Variants in ARID2 observed in about 807,000 individuals in gnomAD.
ARID2 encodes the protein AT-rich interactive domain-containing protein 2.
Under a neutral mutation model 184.6 loss-of-function variants are expected in ARID2, and 32 were observed. The ratio of observed to expected loss-of-function variants is 0.17; its 90% CI spans 0.13 to 0.23. The LOEUF (loss-of-function observed/expected upper bound fraction) is 0.23. ARID2 is among the 10% of genes least tolerant of loss of function. ARID2 has a pLI of 1.00. For missense variants in ARID2, 1,696 were observed against 2,197.6 expected (o/e 0.77, Z 4.56); for synonymous variants, 836 against 772.6 (o/e 1.08, Z -1.36).
intron 3 of ARID2, among the ~76,000 whole-genome samples, chr12:45,752,313 C>G (rs541978116): frequency 1.2e-4 from 18 of 152,290 alleles, no homozygotes; most frequent in African/African-American, 4.1e-4. Context: ...GTCTCCCCTA[C>G]TAAAATCTTA....
chr12:45,739,642 A>G (rs1941210769), intron 3 of ARID2, among the ~76,000 whole-genome samples: 1 of 151,860 alleles, frequency 6.6e-6, no homozygotes, highest in Non-Finnish European at 1.5e-5. Flanking sequence ...ATTTATATAT[A>G]GTGGCCAGTA....
chr12:45,753,672 G>A (rs150786557), intron 3 of ARID2, among the ~76,000 whole-genome samples: 12 of 152,136 alleles, frequency 7.9e-5, no homozygotes, highest in South Asian at 2.1e-4. Context: ...GTGCGATTGC[G>A]TCTCACTGCA....
At chr12:45,807,801 C>G (rs1353148235) in intron 3 of ARID2, among the ~76,000 whole-genome samples, 1 of 152,130 alleles carries the variant, frequency 6.6e-6, no homozygotes, top group Non-Finnish European at 1.5e-5. Flanking sequence ...CCAATACCAT[C>G]TTGGTGATGA....
chr12:45,821,624 G>A (rs1432847281), intron 6 of ARID2, 137 bp downstream of exon 6: 6 of 431,162 alleles, frequency 1.4e-5, no homozygotes, highest in East Asian at 3.8e-5. Context: ...CATACACAAC[G>A]ATTTTAAAGT....
chr12:45,773,809 A>G (rs1227773840), intron 3 of ARID2, among the ~76,000 whole-genome samples: 7 of 152,192 alleles, frequency 4.6e-5, no homozygotes, highest in Non-Finnish European at 7.4e-5. Flanking sequence ...AATTCTGCCA[A>G]ACATTGAAAG....
chr12:45,819,753 T>A (rs1942865072), intron 5 of ARID2, among the ~76,000 whole-genome samples: 1 of 151,842 alleles, frequency 6.6e-6, no homozygotes, highest in Admixed American at 6.6e-5. Flanking sequence ...TTGGGTTTTT[T>A]TTTTTTAAGA....
intron 3 of ARID2, among the ~76,000 whole-genome samples, chr12:45,742,716 C>T (rs1941286765): frequency 6.6e-6 from 1 of 152,260 alleles, no homozygotes; most frequent in East Asian, 1.9e-4. Flanking sequence ...TCCAGTGTTA[C>T]TGTAGTAAAT....
chr12:45,865,286 A>AT, intron 16 of ARID2, among the ~76,000 whole-genome samples: 1 of 152,078 alleles, frequency 6.6e-6, no homozygotes, highest in Non-Finnish European at 1.5e-5. Context: ...ATTTCTCAAT[A>AT]TTGTTAAGAA....
intron 3 of ARID2, among the ~76,000 whole-genome samples, chr12:45,765,363 A>G (rs1941752595): frequency 6.6e-6 from 1 of 151,996 alleles, no homozygotes; most frequent in African/African-American, 2.4e-5. Context: ...CACGCCACCA[A>G]TCCTGGCTAA....
intron 3 of ARID2, among the ~76,000 whole-genome samples, chr12:45,796,212 A>C (rs1942389904): frequency 6.6e-6 from 1 of 152,012 alleles, no homozygotes; most frequent in South Asian, 2.1e-4. Context: ...ACATATATTC[A>C]CTTACAAATA....
At position 45,760,873 on chromosome 12, in the gene ARID2, G is replaced by A. The variant is rs116220079; in HGVS notation, c.284+29559G>A. On this transcript the variant is annotated intron_variant, in intron 3 of 20. Coordinates refer to ENST00000334344, the MANE Select transcript of ARID2 (RefSeq NM_152641.4). Reference sequence around the variant, plus strand: ...AATTTTTAAATTTAATTTTTATTTAGTTTTTAGCGATAGGGTCTGGCTCTG... The same window carrying A: ...AATTTTTAAATTTAATTTTTATTTAATTTTTAGCGATAGGGTCTGGCTCTG... Among the ~76,000 whole-genome samples the A allele has an allele frequency of 4.1e-3, 624 of 151,234 alleles. 6 individuals are homozygous for A. The highest frequency in any genetic ancestry group is 0.013 in the African/African-American group (543 of 41,164).
chr12:45,739,181 G>C (rs1156303921), intron 3 of ARID2, among the ~76,000 whole-genome samples: 1 of 151,946 alleles, frequency 6.6e-6, no homozygotes, highest in Admixed American at 6.6e-5. Flanking sequence ...GTTTCACCAT[G>C]TTGGCCAGGG....
At chr12:45,811,716 T>C (rs1261939737) in intron 4 of ARID2, among the ~76,000 whole-genome samples, 165 bp downstream of exon 4, 1 of 152,250 alleles carries the variant, frequency 6.6e-6, no homozygotes, top group Non-Finnish European at 1.5e-5. Flanking sequence ...GAGCCCTTTC[T>C]CTCACAGGTT....
At chr12:45,853,530 G>A (rs1403672400) in intron 15 of ARID2, among the ~76,000 whole-genome samples, 2 of 152,118 alleles carry the variant, frequency 1.3e-5, no homozygotes, top group African/African-American at 2.4e-5. Flanking sequence ...ATCTCTGCAT[G>A]CCTTAGTAAA....
intron 20 of ARID2, chr12:45,904,424 G>T: frequency 1.4e-6 from 1 of 693,208 alleles, no homozygotes; most frequent in South Asian, 1.6e-5. Flanking sequence ...TGGGCGCGGT[G>T]GCTCACGCCT....
At chr12:45,835,900 CA>C (rs543677456) in intron 6 of ARID2, among the ~76,000 whole-genome samples, 21 of 134,722 alleles carry the variant, frequency 1.6e-4, no homozygotes, top group South Asian at 4.9e-4. Context: ...AACTCCATCT[CA>C]AAAAAAAAAA....
chr12:45,859,387 C>T (rs1027685784), intron 15 of ARID2, among the ~76,000 whole-genome samples: 2 of 152,034 alleles, frequency 1.3e-5, no homozygotes, highest in East Asian at 3.9e-4. Context: ...GGAAGTACAC[C>T]GTATGGCATT....
In ARID2 at chr12:45,850,290, A is replaced by C. The variant is rs746167865; in HGVS notation, c.2167A>C (p.Ile723Leu). 2.5e-6 allele frequency: 4 copies of C among 1,614,098 alleles called. No homozygotes were observed. Among genetic ancestry groups the C allele is most frequent in the South Asian group, 2.2e-5 (2 of 91,080 alleles). Residue 723 changes from isoleucine to leucine, a missense_variant, in exon 15 of 21, where the codon ATA becomes CTA. Physicochemically the swap from Ile to Leu is conservative, Grantham distance 5. This residue lies in a region of ARID2 where 713 missense variants were observed against 824.4 expected (regional missense o/e 0.86). Coordinates refer to ENST00000334344, the MANE Select transcript of ARID2 (RefSeq NM_152641.4). ...TAAGGCTACAGTTATCCAGAATTCC[A>C]TACCCCAGACAGGAGTTCCTGTTAG... Reference protein sequence around the residue: ...VVKATVIQNSIPQTGVPVSIA... With the variant: ...VVKATVIQNSLPQTGVPVSIA...
In ARID2 at chr12:45,872,338, C is replaced by T. The variant is rs80304940; in HGVS notation, c.4922+11389C>T. Among the ~76,000 whole-genome samples the T allele has an allele frequency of 2.7e-3, 417 of 152,106 alleles. 5 individuals carry two copies. The highest frequency in any genetic ancestry group is 0.017 in the East Asian group (88 of 5,194). On this transcript the variant is annotated intron_variant, in intron 16 of 20. Transcript: ENST00000334344. ...GTTGTATTTTCATTTTCCTCTAGTT[C>T]GAAATATTGCAAAAATGTGTTATTT...
Sources: gnomAD v4.1 joint callset for allele counts (sites outside exome capture counted in the v4.1 genomes callset) on GRCh38, gnomAD v4.1.1 for gene constraint, gnomAD v4.1.1 regional missense constraint, MANE v1.5 for transcripts, NCBI Gene and HGNC (gene_info 2026-07-23, HGNC 2026-07-21) for gene names.